NPIPB2: variants seen among roughly 807,000 people sequenced by gnomAD.
The protein encoded by NPIPB2 is nuclear pore complex-interacting protein family member B2.
In NPIPB2, 27 loss-of-function variants were observed where a neutral mutation model predicts 30.8. That is an observed-to-expected ratio of 0.88 (90% confidence interval 0.65 to 1.21). The LOEUF (loss-of-function observed/expected upper bound fraction) is 1.21. NPIPB2 is among the 50% of genes most tolerant of loss of function. NPIPB2 has a pLI of 0.00. For synonymous variants in NPIPB2, 147 were observed against 162.0 expected, an observed-to-expected ratio of 0.91 and a Z score of 0.70; for missense variants, 440 against 446.2, an observed-to-expected ratio of 0.99 and a Z score of 0.13.
intron 1 of NPIPB2, among the ~76,000 whole-genome samples, chr16:11,975,074 C>CA (rs2055265461): frequency 7.3e-6 from 1 of 137,188 alleles, no homozygotes; most frequent in Non-Finnish European, 1.5e-5. Flanking sequence ...GATGCCGTCT[C>CA]AAAAACAAAA....
chr16:11,973,226 G>C (rs1418994120), intron 1 of NPIPB2, among the ~76,000 whole-genome samples: 1 of 150,852 alleles, frequency 6.6e-6, no homozygotes, highest in Admixed American at 6.6e-5. Flanking sequence ...GGAGTCTATC[G>C]TGAGGCATGT....
exon 8 of NPIPB2, chr16:11,927,822 G>A: frequency 7.0e-7 from 1 of 1,432,088 alleles, no homozygotes. Context: ...TCAGCTGTGA[G>A]GTAGGGCCAG....
upstream of NPIPB2, among the ~76,000 whole-genome samples, chr16:11,946,569 T>A (rs1309242666): frequency 6.6e-6 from 1 of 151,810 alleles, no homozygotes; most frequent in African/African-American, 2.4e-5. Context: ...TGAGACCATA[T>A]CTTTAAGAAA....
At chr16:11,948,097 G>C (rs1389491934) in intron 1 of NPIPB2, among the ~76,000 whole-genome samples, 2 of 151,078 alleles carry the variant, frequency 1.3e-5, no homozygotes, top group East Asian at 1.9e-4. Context: ...GAGGCAGAGT[G>C]GGGGTGGGAA....
chr16:11,938,316 AT>A (rs1227873955), intron 1 of NPIPB2, among the ~76,000 whole-genome samples: 1 of 149,680 alleles, frequency 6.7e-6, no homozygotes, highest in African/African-American at 2.5e-5. Flanking sequence ...GTGCCCGGCC[AT>A]TTTTTTGTTT....
chr16:11,948,602 T>C (rs2055034111), intron 1 of NPIPB2, among the ~76,000 whole-genome samples: 1 of 150,766 alleles, frequency 6.6e-6, no homozygotes, highest in African/African-American at 2.4e-5. Flanking sequence ...CCGTCTCTAC[T>C]AAAAATACAA....
At chr16:11,954,283 T>C (rs2150930479) in intron 1 of NPIPB2, among the ~76,000 whole-genome samples, 1 of 151,966 alleles carries the variant, frequency 6.6e-6, no homozygotes, top group African/African-American at 2.4e-5. Flanking sequence ...GACCAGAAGT[T>C]TGAGACCAGC....
upstream of NPIPB2, among the ~76,000 whole-genome samples, chr16:11,943,183 G>C (rs1179236796): frequency 2.0e-5 from 3 of 152,232 alleles, no homozygotes; most frequent in East Asian, 3.9e-4. Flanking sequence ...GCTGGGTGTG[G>C]TGGTGGGCGC....
intron 1 of NPIPB2, among the ~76,000 whole-genome samples, chr16:11,971,713 T>G (rs2055236652): frequency 6.6e-6 from 1 of 151,990 alleles, no homozygotes. Context: ...CAGGCTGGTC[T>G]TGAACTCCTC....
chr16:11,965,520 T>C (rs1056080680), intron 1 of NPIPB2: 8 of 1,515,624 alleles, frequency 5.3e-6, no homozygotes, highest in Admixed American at 1.9e-5. Context: ...GACTGCTTAT[T>C]CAGAGAATCA....
At chr16:11,952,563 CTCTT>C (rs2055077036) in intron 1 of NPIPB2, among the ~76,000 whole-genome samples, 2 of 89,266 alleles carry the variant, frequency 2.2e-5, no homozygotes, top group African/African-American at 9.3e-5. Context: ...ATCTTTCTTT[CTCTT>C]TTTTTTTTTT....
At chr16:11,945,710 G>A (rs1359898350), upstream of NPIPB2, among the ~76,000 whole-genome samples, 1 of 151,824 alleles carries the variant, frequency 6.6e-6, no homozygotes, top group Non-Finnish European at 1.5e-5. Flanking sequence ...CAAAATGCTG[G>A]AGTCATGCTG....
intron 1 of NPIPB2, among the ~76,000 whole-genome samples, chr16:11,949,380 T>A (rs1001931853): frequency 5.3e-5 from 8 of 152,140 alleles, no homozygotes; most frequent in African/African-American, 1.9e-4. Flanking sequence ...CAGCGCTACA[T>A]AGCTGGTAGG....
intron 1 of NPIPB2, among the ~76,000 whole-genome samples, chr16:11,952,975 G>A (rs1255469892): frequency 6.6e-6 from 1 of 152,096 alleles, no homozygotes; most frequent in Non-Finnish European, 1.5e-5. Flanking sequence ...AGACTGACTT[G>A]AACCCCAAGT....
chr16:11,965,835 G>A (rs1028505123), intron 1 of NPIPB2, among the ~76,000 whole-genome samples: 5 of 152,052 alleles, frequency 3.3e-5, no homozygotes, highest in East Asian at 1.9e-4. Flanking sequence ...GCCGGGTGCG[G>A]TGGATGGCTC....
At chr16:11,967,454 TA>T (rs1446216173) in intron 1 of NPIPB2, 2 of 1,149,388 alleles carry the variant, frequency 1.7e-6, no homozygotes, top group Non-Finnish European at 2.5e-6. Flanking sequence ...ACCCCACCTC[TA>T]AAAAATGAAA....
intron 1 of NPIPB2, among the ~76,000 whole-genome samples, chr16:11,951,333 G>A (rs1372234342): frequency 1.3e-5 from 2 of 150,234 alleles, no homozygotes; most frequent in Admixed American, 6.7e-5. Context: ...GCATAGTGGC[G>A]GGCACCTGTA....
At chr16:11,946,768 C>T (rs1035724763), upstream of NPIPB2, among the ~76,000 whole-genome samples, 1 of 152,056 alleles carries the variant, frequency 6.6e-6, no homozygotes, top group Non-Finnish European at 1.5e-5. Context: ...ATTGATCCAG[C>T]AATCTTATTC....
rs868332801 is a variant in NPIPB2 at position 11,927,504 on chromosome 16, G to A, written c.1063C>T (p.Arg355Trp). Residue 355 changes from arginine to tryptophan, a missense_variant, in exon 8 of 8, where the codon CGG (arginine) becomes TGG (tryptophan). Arg to Trp is a moderately radical substitution (Grantham distance 101). Around this residue, in one of 3 missense-constraint regions of NPIPB2, gnomAD observed 140 missense variants for 116.8 expected, o/e 1.20. Coordinates refer to ENST00000399147, the Ensembl canonical transcript of NPIPB2. Reference sequence around the variant, plus strand: ...GGTGATTCCACCTCAGCGGCCCTCCGCCTCTTGGGTTCGGGTGGTGATTCC... The same window carrying A: ...GGTGATTCCACCTCAGCGGCCCTCCACCTCTTGGGTTCGGGTGGTGATTCC... The A allele has an allele frequency of 2.0e-4, 292 of 1,433,670 alleles. No individual in the cohort carries two copies. In the African/African-American group the frequency reaches 4.9e-3, roughly 24 times the overall value. 88.8% of individuals were successfully genotyped at this position (1,433,670 alleles called of 1,614,324 possible). A position where few individuals can be genotyped will look rare whatever the true frequency, so the allele number is the denominator to read the frequency against.
Sources: allele counts gnomAD v4.1 joint callset (sites outside exome capture counted in the v4.1 genomes callset), GRCh38; gene constraint gnomAD v4.1.1; regional missense constraint gnomAD v4.1.1; transcripts MANE v1.5; gene names NCBI Gene and HGNC (gene_info 2026-07-23, HGNC 2026-07-21).